DGKB: variants seen among roughly 807,000 people sequenced by gnomAD.
DGKB encodes the protein diacylglycerol kinase beta, also known as 90 kDa diacylglycerol kinase.
Under a neutral mutation model 114.3 loss-of-function variants are expected in DGKB, and 67 were observed. That is an observed-to-expected ratio of 0.59 (90% CI 0.48 to 0.72). The LOEUF is 0.72. DGKB is among the 30% of genes least tolerant of loss of function. DGKB has a pLI of 0.00. For synonymous variants in DGKB, 398 were observed against 323.1 expected (o/e 1.23, Z -2.49); for missense variants, 907 against 975.2 (o/e 0.93, Z 0.93).
chr7:14,171,248 G>T (rs1780950023), intron 25 of DGKB, among the ~76,000 whole-genome samples: 1 of 152,168 alleles, frequency 6.6e-6, no homozygotes, highest in Non-Finnish European at 1.5e-5. Flanking sequence ...CGTGGCCTCA[G>T]CTATCACTTT....
chr7:14,418,706 G>A (rs187444844), intron 21 of DGKB, among the ~76,000 whole-genome samples: 1 of 151,714 alleles, frequency 6.6e-6, no homozygotes, highest in African/African-American at 2.4e-5. Context: ...GTTTAATCCT[G>A]GATATGTTGC....
intron 13 of DGKB, among the ~76,000 whole-genome samples, chr7:14,640,200 T>C (rs899009387): frequency 6.6e-6 from 1 of 152,202 alleles, no homozygotes; most frequent in African/African-American, 2.4e-5. Context: ...GTCTGGGTTT[T>C]TCCTATTGTA....
intron 2 of DGKB, among the ~76,000 whole-genome samples, chr7:14,778,806 T>C (rs185770863): frequency 1.1e-4 from 16 of 152,322 alleles, no homozygotes; most frequent in African/African-American, 2.2e-4. Context: ...ATAAGTTACA[T>C]AGTAGAAAGA....
At chr7:14,215,587 T>A (rs891552138) in intron 23 of DGKB, among the ~76,000 whole-genome samples, 1 of 152,158 alleles carries the variant, frequency 6.6e-6, no homozygotes, top group African/African-American at 2.4e-5. Context: ...TCATTCAATC[T>A]TCAATTACTC....
intron 20 of DGKB, among the ~76,000 whole-genome samples, chr7:14,490,241 A>G (rs1784416259): frequency 1.3e-5 from 2 of 152,188 alleles, no homozygotes; most frequent in South Asian, 4.1e-4. Context: ...TAAATAGCAC[A>G]TAGTTACATA....
rs180877923 is a variant in DGKB, at chr7:14,155,701, G to A, written c.2305-6463C>T. Among the ~76,000 whole-genome samples the A allele has an allele frequency of 3.3e-5, 5 of 152,252 alleles. No individual in the cohort carries two copies. In the East Asian group the frequency reaches 9.7e-4, roughly 29 times the overall value. ...TACAGGATACGATGGGTGAGTGGAT[G>A]TGTGGGGCACTGGAAAAAGAGGAAG... On this transcript the variant is annotated intron_variant, in intron 25 of 25. Transcript: ENST00000402815.
chr7:14,382,180 A>G (rs1380535143), intron 21 of DGKB, among the ~76,000 whole-genome samples: 2 of 152,230 alleles, frequency 1.3e-5, no homozygotes, highest in African/African-American at 2.4e-5. Flanking sequence ...ATGTAGATGC[A>G]GTAAGAAAGA....
At chr7:14,175,938 G>A (rs557776001) in intron 25 of DGKB, 1 of 152,048 alleles carries the variant, frequency 6.6e-6, no homozygotes, top group African/African-American at 2.4e-5. Flanking sequence ...CTGAGTAGCT[G>A]GGACTACAGG....
chr7:14,540,863 C>A (rs1342652139), intron 20 of DGKB, among the ~76,000 whole-genome samples: 2 of 152,152 alleles, frequency 1.3e-5, no homozygotes, highest in Admixed American at 6.5e-5. Flanking sequence ...CTGAGACAAA[C>A]TGATCAACAC....
chr7:14,581,968 A>T (rs1323266002), intron 18 of DGKB, among the ~76,000 whole-genome samples: 2 of 152,188 alleles, frequency 1.3e-5, no homozygotes, highest in Admixed American at 6.5e-5. Context: ...TTTCTTTTTA[A>T]ATCAAATATT....
chr7:14,818,274 A>G (rs1197586544), intron 2 of DGKB, among the ~76,000 whole-genome samples: 1 of 152,218 alleles, frequency 6.6e-6, no homozygotes, highest in Non-Finnish European at 1.5e-5. Context: ...TTCCAGAAAT[A>G]TAAATAAAAT....
chr7:14,860,115 T>C (rs1356652645), intron 1 of DGKB, among the ~76,000 whole-genome samples: 1 of 152,106 alleles, frequency 6.6e-6, no homozygotes, highest in East Asian at 1.9e-4. Context: ...ACTTACATGA[T>C]ACACTCTAAC....
At chr7:14,193,608 G>A (rs1325219319) in intron 23 of DGKB, among the ~76,000 whole-genome samples, 1 of 152,160 alleles carries the variant, frequency 6.6e-6, no homozygotes, top group East Asian at 1.9e-4. Flanking sequence ...AGAAATCACA[G>A]AGAAAATGCT....
chr7:14,375,568 G>A (rs1818344580), intron 21 of DGKB, among the ~76,000 whole-genome samples: 2 of 152,134 alleles, frequency 1.3e-5, no homozygotes, highest in Non-Finnish European at 2.9e-5. Flanking sequence ...CCCTCTGCTG[G>A]GAAGTTTCTT....
chr7:14,548,343 T>C (rs1001297088), intron 20 of DGKB, among the ~76,000 whole-genome samples: 1 of 152,138 alleles, frequency 6.6e-6, no homozygotes, highest in African/African-American at 2.4e-5. Context: ...GTGATTAAGA[T>C]TACATAAAGA....
At chr7:14,177,777 T>C (rs368703249) in intron 24 of DGKB, among the ~76,000 whole-genome samples, 10 of 152,150 alleles carry the variant, frequency 6.6e-5, no homozygotes, top group Non-Finnish European at 1.5e-4. Flanking sequence ...AAAATTTGTA[T>C]GTTTGAATTC....
intron 17 of DGKB, among the ~76,000 whole-genome samples, chr7:14,597,840 G>A (rs1802858467): frequency 6.6e-6 from 1 of 152,030 alleles, no homozygotes; most frequent in Admixed American, 6.6e-5. Context: ...GTGTGTGTGT[G>A]CATGCATGTG....
At chr7:14,415,027 G>C (rs1034442177) in intron 21 of DGKB, among the ~76,000 whole-genome samples, 4 of 151,638 alleles carry the variant, frequency 2.6e-5, no homozygotes, top group African/African-American at 7.2e-5. Flanking sequence ...CTCCTATAGA[G>C]TCTCACCAGA....
At chr7:14,250,298 T>C (rs1446104832) in intron 23 of DGKB, among the ~76,000 whole-genome samples, 2 of 151,962 alleles carry the variant, frequency 1.3e-5, no homozygotes, top group Non-Finnish European at 2.9e-5. Flanking sequence ...TTTATTAAAT[T>C]TCCATCTTAG....
Sources: allele counts gnomAD v4.1 joint callset (sites outside exome capture counted in the v4.1 genomes callset), GRCh38; gene constraint gnomAD v4.1.1; transcripts MANE v1.5; gene names NCBI Gene and HGNC (gene_info 2026-07-23, HGNC 2026-07-21).